SQSTM1: variants seen among roughly 807,000 people sequenced by gnomAD.
SQSTM1 encodes sequestosome-1.
SQSTM1 carries 36 observed loss-of-function variants against 45.1 expected under a neutral mutation model. The ratio of observed to expected loss-of-function variants is 0.80; its 90% confidence interval spans 0.61 to 1.05. The LOEUF is 1.05. Among genes scored for constraint, SQSTM1 ranks in the 50% least tolerant of loss-of-function variants. The probability of loss-of-function intolerance (pLI) is 0.00; values close to 1 mark genes in which losing one functional copy is unlikely to be tolerated. For missense variants in SQSTM1, 617 were observed against 607.1 expected, an observed-to-expected ratio of 1.02 and a Z score of -0.17; for synonymous variants, 290 against 244.3, an observed-to-expected ratio of 1.19 and a Z score of -1.74.
At chr5:179,818,432 A>C (rs998734937), upstream of SQSTM1, among the ~76,000 whole-genome samples, 1 of 152,088 alleles carries the variant, frequency 6.6e-6, no homozygotes, top group East Asian at 1.9e-4. Context: ...CGGACACTTG[A>C]CTCCACGCCC....
intron 7 of SQSTM1, among the ~76,000 whole-genome samples, chr5:179,834,949 A>G (rs1223222586): frequency 8.5e-5 from 13 of 152,258 alleles, no homozygotes; most frequent in African/African-American, 2.9e-4. Flanking sequence ...GTGGCCGGGC[A>G]GAGGGGCTCC....
intron 4 of SQSTM1, 67 bp downstream of exon 4, chr5:179,824,390 T>C: frequency 6.2e-7 from 1 of 1,610,212 alleles, no homozygotes; most frequent in South Asian, 1.1e-5. Flanking sequence ...TGCAGGGCCC[T>C]TGTGCAAAGC....
upstream of SQSTM1, chr5:179,819,011 G>T (rs904707899): frequency 1.3e-5 from 2 of 152,528 alleles, no homozygotes; most frequent in Non-Finnish European, 2.9e-5. Flanking sequence ...CGGTGACCCC[G>T]GAGCCACTCC....
At chr5:179,820,742 G>T (rs778874553), upstream of SQSTM1, 28 of 498,536 alleles carry the variant, frequency 5.6e-5, no homozygotes, top group Non-Finnish European at 7.6e-5. Context: ...CTGGAGCGAG[G>T]GGTAGCGGGG....
chr5:179,836,690 GC>G lies in SQSTM1; in HGVS notation c.*99del. On this transcript the variant is annotated 3_prime_UTR_variant, in exon 8 of 8. Coordinates refer to ENST00000389805, the MANE Select transcript of SQSTM1 (RefSeq NM_003900.5). ...GGTCTCTGTACGGGCCAGTTTCTCTGCCTTCTTCCAGGATCAGGGGTTAGGG... is the reference window on the plus strand; with the variant it reads ...GGTCTCTGTACGGGCCAGTTTCTCTGCTTCTTCCAGGATCAGGGGTTAGGG... 1 of 1,580,888 alleles carries G rather than the reference GC, an allele frequency of 6.3e-7. No individual in the cohort carries two copies. The highest frequency in any genetic ancestry group is 8.7e-7 in the Non-Finnish European group (1 of 1,151,096).
At chr5:179,809,047 C>T (rs1337349084) in intron 1 of SQSTM1, among the ~76,000 whole-genome samples, 9 of 147,356 alleles carry the variant, frequency 6.1e-5, no homozygotes, top group Non-Finnish European at 1.2e-4. Context: ...TTATTAGAGA[C>T]GGGGTTTCAC....
At chr5:179,834,159 G>GC (rs1284323817) in intron 7 of SQSTM1, among the ~76,000 whole-genome samples, 1 of 146,470 alleles carries the variant, frequency 6.8e-6, no homozygotes, top group Non-Finnish European at 1.5e-5. Context: ...GTCTGAGAGG[G>GC]GGGGGGGTCA....
intron 1 of SQSTM1, chr5:179,821,434 AC>A: frequency 1.6e-6 from 1 of 606,984 alleles, no homozygotes; most frequent in East Asian, 3.6e-5. Flanking sequence ...GCCCCGCTCC[AC>A]CCCCCGCGCT....
At chr5:179,808,740 C>T (rs746528545) in intron 1 of SQSTM1, among the ~76,000 whole-genome samples, 66 of 152,226 alleles carry the variant, frequency 4.3e-4, no homozygotes, top group Non-Finnish European at 7.9e-4. Flanking sequence ...ATCATTTGAG[C>T]TCATCAGTTC....
Position 179,825,164 on chromosome 5 carries a change from A to ATCCGAGTGTGAATTTCCTGATCC in SQSTM1, c.712_713insTCCTCCGAGTGTGAATTTCCTGA (p.Lys238IlefsTer5). The ATCCGAGTGTGAATTTCCTGATCC allele has an allele frequency of 6.2e-7, 1 of 1,614,108 alleles. No homozygotes were observed. The highest frequency in any genetic ancestry group is 1.1e-5 in the South Asian group (1 of 91,088). On this transcript the variant is annotated frameshift_variant, in exon 5 of 8. Transcript: ENST00000389805. LOFTEE classifies it high-confidence loss of function. The stretch of plus-strand genomic sequence containing the variant: ...ATCAAAGCTTCTGGTCCATCGGAGG[A>ATCCGAGTGTGAATTTCCTGATCC]TCCGAGTGTGAATTTCCTGAAGAAC...
At chr5:179,831,787 GTTC>G (rs1267757235) in intron 5 of SQSTM1, among the ~76,000 whole-genome samples, 3 of 114,736 alleles carry the variant, frequency 2.6e-5, no homozygotes, top group Non-Finnish European at 5.4e-5. Context: ...AACATTGAAT[GTTC>G]TTTTTTTTTT....
chr5:179,833,473 CT>C (rs1005706884), intron 6 of SQSTM1, 113 bp from the exon 7 acceptor site: 12 of 1,190,278 alleles, frequency 1.0e-5, no homozygotes, highest in Non-Finnish European at 1.5e-5. Context: ...CCCCTGCAGC[CT>C]TAACTGCACG....
chr5:179,811,865 C>CAT (rs1757419085), intron 2 of SQSTM1: 1 of 152,188 alleles, frequency 6.6e-6, no homozygotes, highest in Non-Finnish European at 1.5e-5. Context: ...AGTGCAGTGG[C>CAT]GCCATCTCGG....
At chr5:179,808,794 A>T (rs188742039) in intron 1 of SQSTM1, among the ~76,000 whole-genome samples, 7 of 152,242 alleles carry the variant, frequency 4.6e-5, no homozygotes, top group Admixed American at 4.6e-4. Context: ...CTCATTAAAA[A>T]TTTTAAAACA....
intron 5 of SQSTM1, among the ~76,000 whole-genome samples, chr5:179,830,261 G>T (rs564515010): frequency 3.7e-4 from 56 of 152,332 alleles, no homozygotes; most frequent in African/African-American, 5.5e-4. Context: ...GAACCCTGAG[G>T]ATAAAGAAAG....
In SQSTM1 at chr5:179,836,999, A is replaced by C; in HGVS notation, c.*406A>C. The C allele has an allele frequency of 1.6e-6, 1 of 613,736 alleles. No individual in the cohort carries two copies. Among genetic ancestry groups the C allele is most frequent in the Non-Finnish European group, 2.9e-6 (1 of 347,168 alleles). The allele number at this position is 613,736 out of a possible 1,614,324, so 38.0% of individuals were successfully genotyped here. A position where few individuals can be genotyped will look rare whatever the true frequency, so the allele number is the denominator to read the frequency against. ...TCTGCTACAGACCTGGTACACTCTG[A>C]TTTTAGATAAAGTAAGCCTAGGTGT... On this transcript the variant is annotated 3_prime_UTR_variant, in exon 8 of 8. Coordinates refer to ENST00000389805, the MANE Select transcript of SQSTM1 (RefSeq NM_003900.5).
At chr5:179,810,565 G>A (rs931523387) in intron 1 of SQSTM1, among the ~76,000 whole-genome samples, 5 of 152,228 alleles carry the variant, frequency 3.3e-5, no homozygotes, top group East Asian at 1.9e-4. Flanking sequence ...GAATAGTGCC[G>A]CAATAAACAT....
chr5:179,811,860 A>T (rs971046286), intron 2 of SQSTM1: 3 of 152,336 alleles, frequency 2.0e-5, no homozygotes, highest in Non-Finnish European at 4.4e-5. Context: ...GCTGGAGTGC[A>T]GTGGCGCCAT....
chr5:179,833,326 C>T, intron 6 of SQSTM1, 80 bp downstream of exon 6: 1 of 1,360,304 alleles, frequency 7.4e-7, no homozygotes, highest in East Asian at 2.5e-5. Flanking sequence ...TCATCCTCAG[C>T]ACCTCTGCAG....
Sources: gnomAD v4.1 joint callset for allele counts (sites outside exome capture counted in the v4.1 genomes callset) on GRCh38, gnomAD v4.1.1 for gene constraint, MANE v1.5 for transcripts, NCBI Gene and HGNC (gene_info 2026-07-23, HGNC 2026-07-21) for gene names.